Variants in ADRA1B observed in about 807,000 individuals in gnomAD.
The protein encoded by ADRA1B is alpha-1B adrenergic receptor.
Under a neutral mutation model 17.9 loss-of-function variants are expected in ADRA1B, and 17 were observed. The observed-to-expected ratio is 0.95, with a 90% CI of 0.65 to 1.42. The LOEUF is 1.42. ADRA1B is among the 40% of genes most tolerant of loss of function. The pLI, the probability that ADRA1B is intolerant of heterozygous loss-of-function variation, is 0.00. For missense variants in ADRA1B, 681 were observed against 722.1 expected, an observed-to-expected ratio of 0.94 and a Z score of 0.65; for synonymous variants, 366 against 327.6, an observed-to-expected ratio of 1.12 and a Z score of -1.27.
intron 1 of ADRA1B, among the ~76,000 whole-genome samples, chr5:159,924,753 T>A (rs1581038468): frequency 1.5e-5 from 2 of 131,582 alleles, no homozygotes; most frequent in Admixed American, 1.5e-4. Context: ...TTTACCTGAG[T>A]GTGTGTGTGG....
chr5:159,918,742 G>A (rs1440893894), intron 1 of ADRA1B, among the ~76,000 whole-genome samples: 2 of 152,328 alleles, frequency 1.3e-5, no homozygotes, highest in East Asian at 3.9e-4. Context: ...TTCTAAGGAA[G>A]AAGCCAAGGT....
intron 1 of ADRA1B, among the ~76,000 whole-genome samples, chr5:159,970,118 G>A (rs1033487366): frequency 2.6e-5 from 4 of 152,014 alleles, no homozygotes; most frequent in Non-Finnish European, 5.9e-5. Context: ...ACATTCAGAG[G>A]GGTGAGTTAA....
intron 1 of ADRA1B, among the ~76,000 whole-genome samples, chr5:159,867,220 A>T (rs1243146480): frequency 6.6e-6 from 1 of 152,176 alleles, no homozygotes; most frequent in Non-Finnish European, 1.5e-5. Flanking sequence ...ATTCTACAGC[A>T]TGGGAAAGCC....
intron 1 of ADRA1B, among the ~76,000 whole-genome samples, chr5:159,942,865 A>T (rs1755173331): frequency 6.6e-6 from 1 of 152,232 alleles, no homozygotes; most frequent in Admixed American, 6.5e-5. Context: ...GTCAAAAAAA[A>T]TTGTTCTTAA....
chr5:159,866,098 T>G (rs1017079155), intron 1 of ADRA1B, among the ~76,000 whole-genome samples: 1 of 152,242 alleles, frequency 6.6e-6, no homozygotes, highest in African/African-American at 2.4e-5. Context: ...GACAAGATAA[T>G]GATGCCCAGC....
the ADRA1B span, among the ~76,000 whole-genome samples, chr5:159,986,962 C>T: frequency 6.6e-6 from 1 of 152,154 alleles, no homozygotes; most frequent in African/African-American, 2.4e-5. Context: ...GTGCTGCTTC[C>T]AGGTGTAACT....
At chr5:159,988,632 C>T in the ADRA1B span, among the ~76,000 whole-genome samples, 1 of 152,134 alleles carries the variant, frequency 6.6e-6, no homozygotes, top group African/African-American at 2.4e-5. Context: ...TACGTCTACA[C>T]CTGAGTCTCT....
rs76163809 is a variant in ADRA1B at position 159,969,817 on chromosome 5, A to T, written c.950-2062A>T. On this transcript the variant is annotated intron_variant, in intron 1 of 1. Coordinates refer to ENST00000306675, the MANE Select transcript of ADRA1B (RefSeq NM_000679.4). The stretch of plus-strand genomic sequence containing the variant: ...CAAGAGGAAAAATCTGAAAGTATAC[A>T]CACCAAAATATGGTATTTTGGCACT... 8.9e-3 allele frequency among the ~76,000 whole-genome samples: 1,352 copies of T among 152,352 alleles called. 28 individuals are homozygous for T. The highest frequency in any genetic ancestry group is 0.029 in the African/African-American group (1,223 of 41,586).
chr5:159,900,773 G>A (rs1754092375), intron 1 of ADRA1B, among the ~76,000 whole-genome samples: 1 of 152,242 alleles, frequency 6.6e-6, no homozygotes, highest in Non-Finnish European at 1.5e-5. Context: ...GCAGAGCAGT[G>A]CAAGACAGGC....
At chr5:159,971,006 TG>T (rs1755855092) in intron 1 of ADRA1B, among the ~76,000 whole-genome samples, 1 of 152,152 alleles carries the variant, frequency 6.6e-6, no homozygotes, top group Non-Finnish European at 1.5e-5. Flanking sequence ...CCCCCTGTAC[TG>T]CCCCGGCTGG....
At chr5:159,947,827 A>C (rs1000774600) in intron 1 of ADRA1B, 25 of 985,274 alleles carry the variant, frequency 2.5e-5, no homozygotes, top group Non-Finnish European at 2.7e-5. Flanking sequence ...GCATCACCAT[A>C]TTATCCGTTA....
intron 1 of ADRA1B, among the ~76,000 whole-genome samples, chr5:159,903,918 G>T (rs1269069639): frequency 6.6e-6 from 1 of 152,070 alleles, no homozygotes; most frequent in Non-Finnish European, 1.5e-5. Context: ...AAGTAGGCTG[G>T]GGTCCAAACA....
chr5:159,965,841 A>ATTT (rs201439779), intron 1 of ADRA1B, among the ~76,000 whole-genome samples: 1 of 150,824 alleles, frequency 6.6e-6, no homozygotes. Context: ...TTATTTATTT[A>ATTT]TTTATTTATT....
intron 1 of ADRA1B, among the ~76,000 whole-genome samples, chr5:159,895,576 C>T (rs561561077): frequency 2.9e-4 from 44 of 152,304 alleles, no homozygotes; most frequent in African/African-American, 9.4e-4. Context: ...AGATCATTCC[C>T]ATCCTTTCTG....
At chr5:159,952,693 G>A (rs996479905) in intron 1 of ADRA1B, among the ~76,000 whole-genome samples, 1 of 152,144 alleles carries the variant, frequency 6.6e-6, no homozygotes, top group Non-Finnish European at 1.5e-5. Context: ...CATGTTAGGG[G>A]TTATTACAGT....
chr5:159,976,101 A>G (rs1403500337), downstream of ADRA1B, among the ~76,000 whole-genome samples: 1 of 152,150 alleles, frequency 6.6e-6, no homozygotes, highest in Non-Finnish European at 1.5e-5. Flanking sequence ...TAATAATACT[A>G]ATTACTTCAT....
intron 1 of ADRA1B, among the ~76,000 whole-genome samples, chr5:159,877,873 A>T (rs900190419): frequency 2.0e-5 from 3 of 152,176 alleles, no homozygotes; most frequent in African/African-American, 7.2e-5. Flanking sequence ...TTATTCTCTC[A>T]GTCTAGGAAG....
intron 1 of ADRA1B, among the ~76,000 whole-genome samples, chr5:159,874,662 A>C (rs1160835566): frequency 2.0e-5 from 3 of 152,232 alleles, no homozygotes; most frequent in Non-Finnish European, 4.4e-5. Context: ...CCTGGAGGCA[A>C]ACATGAAGAT....
intron 1 of ADRA1B, among the ~76,000 whole-genome samples, chr5:159,907,962 C>G (rs1393883816): frequency 6.6e-6 from 1 of 151,580 alleles, no homozygotes; most frequent in Non-Finnish European, 1.5e-5. Flanking sequence ...CTGTCACACA[C>G]ACACACACAC....
Sources: allele counts gnomAD v4.1 joint callset (sites outside exome capture counted in the v4.1 genomes callset), GRCh38; gene constraint gnomAD v4.1.1; transcripts MANE v1.5; gene names NCBI Gene and HGNC (gene_info 2026-07-23, HGNC 2026-07-21).